FER: variants seen among roughly 807,000 people sequenced by gnomAD.
The protein encoded by FER is FER tyrosine kinase.
In FER, 63 loss-of-function variants were observed where a neutral mutation model predicts 111.0. The observed-to-expected ratio is 0.57, with a 90% CI of 0.46 to 0.70. The LOEUF is 0.70. Among genes scored for constraint, FER ranks in the 30% least tolerant of loss-of-function variants. The pLI is 0.00. For missense variants in FER, 914 were observed against 954.0 expected (o/e 0.96, Z 0.55); for synonymous variants, 327 against 313.9 (o/e 1.04, Z -0.44).
chr5:108,939,368 T>C (rs73209345), intron 10 of FER, among the ~76,000 whole-genome samples: 10,057 of 152,152 alleles, frequency 0.066, 819 homozygotes, highest in African/African-American at 0.19. Context: ...GTAATTGATA[T>C]TCCAGGAAAG....
chr5:108,986,999 GATGGGA>G (rs1346684187), intron 13 of FER, among the ~76,000 whole-genome samples: 1 of 151,838 alleles, frequency 6.6e-6, no homozygotes, highest in Non-Finnish European at 1.5e-5. Context: ...GTGGTATTTT[GATGGGA>G]ATTGCATTGA....
intron 13 of FER, among the ~76,000 whole-genome samples, chr5:108,982,533 T>C (rs73778375): frequency 0.022 from 3,305 of 152,134 alleles, 97 homozygotes; most frequent in African/African-American, 0.075. Flanking sequence ...CAAAATTGAT[T>C]TTTGCAGTCT....
rs112192717 is a variant in FER at position 108,799,846 on chromosome 5, C to CTT, written c.207+1470_207+1471dup. Among the ~76,000 whole-genome samples the CTT allele has an allele frequency of 1.8e-3, 256 of 138,936 alleles. 1 individual carries two copies. Among genetic ancestry groups the CTT allele is most frequent in the African/African-American group, 4.7e-3 (176 of 37,492 alleles). The allele number at this position is 138,936 out of a possible 152,430, so 91.1% of individuals were successfully genotyped here. A position where few individuals can be genotyped will look rare whatever the true frequency, so the allele number is the denominator to read the frequency against. On this transcript the variant is annotated intron_variant, in intron 3 of 19. Coordinates refer to ENST00000281092, the MANE Select transcript of FER (RefSeq NM_005246.4). ...TATCCCTCTTGTTTTCTTTTCTTTT[C>CTT]TTTTTTTTTTTTTTGAGATGCAGTC...
chr5:109,178,258 C>T (rs921300536), intron 17 of FER, among the ~76,000 whole-genome samples: 2 of 152,158 alleles, frequency 1.3e-5, no homozygotes, highest in Non-Finnish European at 2.9e-5. Flanking sequence ...GAACTTAATG[C>T]AGCCCAAAGG....
chr5:109,085,039 A>G (rs950869857), intron 16 of FER, among the ~76,000 whole-genome samples: 9 of 151,836 alleles, frequency 5.9e-5, no homozygotes, highest in Admixed American at 1.3e-4. Context: ...TTCTTCTGCA[A>G]CGTTTTTTCT....
At chr5:108,796,746 T>A (rs1756071177) in intron 2 of FER, among the ~76,000 whole-genome samples, 1 of 151,958 alleles carries the variant, frequency 6.6e-6, no homozygotes, top group Non-Finnish European at 1.5e-5. Flanking sequence ...ATGCTGGCAG[T>A]CCTGGGACTT....
chr5:109,135,659 A>T (rs1752812965), intron 17 of FER, among the ~76,000 whole-genome samples: 1 of 152,094 alleles, frequency 6.6e-6, no homozygotes, highest in South Asian at 2.1e-4. Context: ...CTCTAAAAAC[A>T]AGGACCACTA....
intron 6 of FER, among the ~76,000 whole-genome samples, chr5:108,868,976 A>T (rs1480985773): frequency 1.3e-5 from 2 of 151,932 alleles, no homozygotes; most frequent in African/African-American, 4.8e-5. Flanking sequence ...GAGGTTGCAA[A>T]TTTTTTTGTG....
intron 1 of FER, among the ~76,000 whole-genome samples, chr5:108,764,500 C>T (rs1298016223): frequency 4.6e-5 from 7 of 152,120 alleles, no homozygotes; most frequent in Non-Finnish European, 8.8e-5. Flanking sequence ...CGTGTTCAAG[C>T]GATTCTCCTG....
rs1755224380 is a variant in FER at position 109,155,086 on chromosome 5, C to G, written c.2049-25661C>G. Among the ~76,000 whole-genome samples, 3 of 151,826 alleles carry G rather than the reference C, an allele frequency of 2.0e-5. 1 individual carries two copies. In the South Asian group the frequency reaches 6.2e-4, roughly 31 times the overall value. Reference sequence around the variant, plus strand: ...TAGTTACATGGAAGCTTTTTACTCCCTAGTTCAAAAGTAACATGTCACACA... The same window carrying G: ...TAGTTACATGGAAGCTTTTTACTCCGTAGTTCAAAAGTAACATGTCACACA... On this transcript the variant is annotated intron_variant, in intron 17 of 19. Coordinates refer to ENST00000281092, the MANE Select transcript of FER (RefSeq NM_005246.4).
At chr5:109,100,886 A>G (rs1190651693) in intron 17 of FER, among the ~76,000 whole-genome samples, 1 of 151,922 alleles carries the variant, frequency 6.6e-6, no homozygotes, top group Non-Finnish European at 1.5e-5. Context: ...GAAATTACAT[A>G]TGAAGTCATG....
At chr5:109,044,875 T>C in intron 15 of FER, 80 bp downstream of exon 15, 2 of 775,080 alleles carry the variant, frequency 2.6e-6, no homozygotes, top group Non-Finnish European at 1.9e-6. Context: ...ACATCTTAAA[T>C]TGTGATTTAC....
intron 8 of FER, 64 bp from the exon 9 acceptor site, chr5:108,883,332 T>G: frequency 6.9e-7 from 1 of 1,449,794 alleles, no homozygotes; most frequent in Non-Finnish European, 9.3e-7. Context: ...TATGAATACT[T>G]TTTTGATATG....
chr5:108,878,974 G>A (rs912907883), intron 8 of FER, among the ~76,000 whole-genome samples: 14 of 152,002 alleles, frequency 9.2e-5, no homozygotes, highest in Non-Finnish European at 1.6e-4. Context: ...GCTCTGTGAC[G>A]GTGGACAAGA....
At chr5:109,011,978 C>A (rs115771287) in intron 13 of FER, among the ~76,000 whole-genome samples, 2 of 152,178 alleles carry the variant, frequency 1.3e-5, no homozygotes, top group Admixed American at 1.3e-4. Flanking sequence ...TGGAGTATTG[C>A]CTTCTTGTGC....
intron 13 of FER, among the ~76,000 whole-genome samples, chr5:108,984,729 A>G (rs906690971): frequency 6.6e-6 from 1 of 152,124 alleles, no homozygotes; most frequent in Non-Finnish European, 1.5e-5. Context: ...AAACTGTAAC[A>G]AAGGCTATAT....
rs568461160 is a variant in FER, at chr5:108,768,424, C to T, written c.-60+186C>T. Among the ~76,000 whole-genome samples, 8 of 152,138 alleles carry T rather than the reference C, an allele frequency of 5.3e-5. No individual in the cohort carries two copies. The East Asian group carries it at 1.5e-3, about 29-fold the overall frequency. ...CTTGTCATCTATCCCAATGATTTTA[C>T]CTCATTTGTGACATAATTATTTTTC... On this transcript the variant is annotated intron_variant, in intron 2 of 19. Transcript: ENST00000281092.
At chr5:108,812,086 T>A (rs946801718) in intron 3 of FER, among the ~76,000 whole-genome samples, 23 of 152,332 alleles carry the variant, frequency 1.5e-4, no homozygotes, top group African/African-American at 5.5e-4. Flanking sequence ...TACTCATGTT[T>A]GTCTACCTGT....
At chr5:109,129,522 A>G (rs1206931317) in intron 17 of FER, among the ~76,000 whole-genome samples, 1 of 152,018 alleles carries the variant, frequency 6.6e-6, no homozygotes, top group East Asian at 1.9e-4. Flanking sequence ...ATAACAATCA[A>G]CCAGTCACTG....
Sources: allele counts gnomAD v4.1 joint callset (sites outside exome capture counted in the v4.1 genomes callset), GRCh38; gene constraint gnomAD v4.1.1; transcripts MANE v1.5; gene names NCBI Gene and HGNC (gene_info 2026-07-23, HGNC 2026-07-21).